Variants in GRB7 observed in about 807,000 individuals in gnomAD.
GRB7 encodes the protein growth factor receptor-bound protein 7.
Under a neutral mutation model 64.1 loss-of-function variants are expected in GRB7, and 47 were observed. The ratio of observed to expected loss-of-function variants is 0.73; its 90% CI spans 0.58 to 0.94. The LOEUF is 0.94. GRB7 is among the 40% of genes least tolerant of loss of function. The pLI, the probability that GRB7 is intolerant of heterozygous loss-of-function variation, is 0.00. For synonymous variants in GRB7, 277 were observed against 279.9 expected (o/e 0.99, Z 0.10); for missense variants, 634 against 718.4 (o/e 0.88, Z 1.34).
intron 1 of GRB7, among the ~76,000 whole-genome samples, chr17:39,739,243 T>C (rs1014392337): frequency 4.0e-5 from 6 of 148,270 alleles, no homozygotes; most frequent in Non-Finnish European, 7.4e-5. Context: ...CCTGATATCC[T>C]ACTGTATGCT....
intron 14 of GRB7, 36 bp downstream of exon 14, chr17:39,746,238 G>A: frequency 6.5e-7 from 1 of 1,531,336 alleles, no homozygotes; most frequent in Non-Finnish European, 9.1e-7. Flanking sequence ...CCTGCAATGA[G>A]ACACAGGACT....
chr17:39,744,439 C>T lies in GRB7; in HGVS notation c.802-114C>T, dbSNP rs369355164. 3 of 907,262 alleles carry T rather than the reference C, an allele frequency of 3.3e-6. No homozygotes were observed. The South Asian group carries it at 4.7e-5, about 14-fold the overall frequency. 56.2% of individuals were successfully genotyped at this position (907,262 alleles called of 1,614,324 possible). ...CTCTACTTCTATTTGCTGTGTGACC[C>T]TGGGTATTCCCCTGCCCCTCTCTGG... On this transcript the variant is annotated intron_variant, in intron 7 of 14. Coordinates refer to ENST00000309156, the MANE Select transcript of GRB7 (RefSeq NM_005310.5).
intron 1 of GRB7, 49 bp from the exon 2 acceptor site, chr17:39,742,202 AC>A (rs2060000154): frequency 7.3e-7 from 1 of 1,370,652 alleles, no homozygotes; most frequent in African/African-American, 1.4e-5. Context: ...GGGCACCCTA[AC>A]CGCCGTGTGA....
rs749753011 is a variant in GRB7, at chr17:39,742,275, G to A, written c.-27G>A. ...AGGACAAGGGCACACAACTGGTTCC[G>A]TTAAGCCCCTCTCTTGCTCAGACGC... On this transcript the variant is annotated 5_prime_UTR_variant, in exon 2 of 15. Coordinates refer to ENST00000309156, the MANE Select transcript of GRB7 (RefSeq NM_005310.5). The A allele has an allele frequency of 1.3e-5, 21 of 1,613,634 alleles. No individual in the cohort carries two copies. The highest frequency in any genetic ancestry group is 4.0e-5 in the African/African-American group (3 of 74,910).
At position 39,746,959 on chromosome 17, in the gene GRB7, A is replaced by G; in HGVS notation, c.*62A>G. 1 of 1,539,784 alleles carries G rather than the reference A, an allele frequency of 6.5e-7. No homozygotes were observed. Among genetic ancestry groups the G allele is most frequent in the Admixed American group, 1.7e-5 (1 of 57,530 alleles). ...CAGGCTGCCCGCCGCCCCTCCACCC[A>G]TCCAGTGGACTCTGGGGCGCGGCCA... On this transcript the variant is annotated 3_prime_UTR_variant, in exon 15 of 15. Transcript: ENST00000309156.
intron 1 of GRB7, 181 bp downstream of exon 1, chr17:39,738,314 G>C (rs1379410529): frequency 6.6e-6 from 1 of 152,398 alleles, no homozygotes; most frequent in Non-Finnish European, 1.5e-5. Context: ...GGGCTGGAGG[G>C]GGACAGGTAG....
At chr17:39,745,645 G>A (rs369441177) in intron 11 of GRB7, 83 bp from the exon 12 acceptor site, 48 of 1,574,000 alleles carry the variant, frequency 3.0e-5, no homozygotes, top group East Asian at 1.1e-4. Flanking sequence ...CCCTGGCTGG[G>A]AAGAAGTGCT....
chr17:39,746,335 G>A, intron 14 of GRB7, 133 bp downstream of exon 14: 1 of 736,474 alleles, frequency 1.4e-6, no homozygotes, highest in South Asian at 1.6e-5. Flanking sequence ...AGAAGTGGGA[G>A]GCTGAGTGCG....
At chr17:39,741,602 G>A (rs926704598) in intron 1 of GRB7, among the ~76,000 whole-genome samples, 3 of 152,232 alleles carry the variant, frequency 2.0e-5, no homozygotes, top group African/African-American at 7.2e-5. Flanking sequence ...AGGCAAAGGA[G>A]TGGGCCTTTG....
At chr17:39,738,288 G>A in intron 1 of GRB7, 155 bp downstream of exon 1, 1 of 152,300 alleles carries the variant, frequency 6.6e-6, no homozygotes, top group East Asian at 1.9e-4. Context: ...GCTCGGTGAT[G>A]TCAGGCCAGG....
At chr17:39,739,298 T>C (rs1264754660) in intron 1 of GRB7, among the ~76,000 whole-genome samples, 1 of 152,272 alleles carries the variant, frequency 6.6e-6, no homozygotes, top group South Asian at 2.1e-4. Flanking sequence ...AATGATTAAC[T>C]GCAGAGACAC....
chr17:39,738,848 G>C, intron 1 of GRB7: 2 of 1,508,912 alleles, frequency 1.3e-6, no homozygotes, highest in Non-Finnish European at 1.8e-6. Context: ...CTAAATTGTC[G>C]AGGCTTCATC....
chr17:39,741,680 G>C (rs1180637701), intron 1 of GRB7, among the ~76,000 whole-genome samples: 1 of 152,212 alleles, frequency 6.6e-6, no homozygotes, highest in East Asian at 1.9e-4. Flanking sequence ...CCAGGCTTGT[G>C]GTGGGTGGAC....
In GRB7 at chr17:39,744,192, C is replaced by A. The variant is rs143038702; in HGVS notation, c.786C>A (p.Thr262=). The A allele has an allele frequency of 6.2e-6, 10 of 1,613,984 alleles. No individual in the cohort carries two copies. The highest frequency in any genetic ancestry group is 2.2e-5 in the South Asian group (2 of 91,074). ...GCCGATCTGGCCTCTATTACTCCAC[C>A]AAGGGCACCTCTAAGGTAAGGTCTT... ...FLRRSGLYYS[T]KGTSKDPRHL... Residue 262 remains threonine (T), a synonymous_variant, in exon 7 of 15, where the codon ACC becomes ACA. Transcript: ENST00000309156.
chr17:39,742,172 G>C, intron 1 of GRB7, 80 bp from the exon 2 acceptor site: 1 of 921,358 alleles, frequency 1.1e-6, no homozygotes, highest in South Asian at 1.3e-5. Context: ...AGAGCAGTGA[G>C]GTGCTAGGTA....
Position 39,744,216 on chromosome 17 carries a change from T to C in GRB7, c.801+9T>C, listed in dbSNP as rs1163295981. The C allele has an allele frequency of 6.2e-7, 1 of 1,613,432 alleles. No individual in the cohort carries two copies. The highest frequency in any genetic ancestry group is 8.5e-7 in the Non-Finnish European group (1 of 1,179,968). ...CCAAGGGCACCTCTAAGGTAAGGTC[T>C]TGAGGGTACCAGCCCCAGCCCCTCC... On this transcript the variant is annotated intron_variant, in intron 7 of 14. Coordinates refer to ENST00000309156, the MANE Select transcript of GRB7 (RefSeq NM_005310.5).
rs775373331 is a variant in GRB7 at position 39,742,293 on chromosome 17, TCAGACGC to T, written c.-6_1del. On this transcript the variant is annotated 5_prime_UTR_variant, in exon 2 of 15. Transcript: ENST00000309156. ...TGGTTCCGTTAAGCCCCTCTCTTGCTCAGACGCCATGGAGCTGGATCTGTCTCCACCT... is the reference window on the plus strand; with the variant it reads ...TGGTTCCGTTAAGCCCCTCTCTTGCTCATGGAGCTGGATCTGTCTCCACCT... 6.2e-6 allele frequency: 10 copies of T among 1,614,084 alleles called. No individual in the cohort carries two copies. Among genetic ancestry groups the T allele is most frequent in the Non-Finnish European group, 7.6e-6 (9 of 1,179,968 alleles).
intron 9 of GRB7, 36 bp from the exon 10 acceptor site, chr17:39,745,207 C>T (rs1428281710): frequency 1.3e-6 from 2 of 1,542,530 alleles, no homozygotes; most frequent in Non-Finnish European, 1.8e-6. Context: ...CCCAGGACCT[C>T]TCGACCTCAA....
intron 1 of GRB7, among the ~76,000 whole-genome samples, chr17:39,739,415 C>T (rs2059977003): frequency 6.6e-6 from 1 of 152,174 alleles, no homozygotes. Context: ...TGGGTCCTCC[C>T]TTATACTAGG....
Sources: allele counts gnomAD v4.1 joint callset (sites outside exome capture counted in the v4.1 genomes callset), GRCh38; gene constraint gnomAD v4.1.1; transcripts MANE v1.5; gene names NCBI Gene and HGNC (gene_info 2026-07-23, HGNC 2026-07-21).